Variants in TENM4 observed in about 807,000 individuals in gnomAD.
The protein encoded by TENM4 is teneurin transmembrane protein 4, also known as teneurin-4.
A neutral mutation model predicts 243.3 loss-of-function variants in TENM4; 82 were observed. The observed-to-expected ratio is 0.34, with a 90% CI of 0.28 to 0.40. TENM4 has a LOEUF of 0.40. TENM4 is among the 10% of genes least tolerant of loss of function. TENM4 has a pLI of 1.00. For synonymous variants in TENM4, 1,412 were observed against 1,456.3 expected, an observed-to-expected ratio of 0.97 and a Z score of 0.69; for missense variants, 3,138 against 3,673.3, an observed-to-expected ratio of 0.85 and a Z score of 3.77.
chr11:79,246,143 T>A (rs573587658), intron 2 of TENM4, among the ~76,000 whole-genome samples: 1 of 152,204 alleles, frequency 6.6e-6, no homozygotes, highest in Admixed American at 6.5e-5. Flanking sequence ...ATGGCCTACA[T>A]TTATAGAGTG....
intron 21 of TENM4, among the ~76,000 whole-genome samples, chr11:78,730,620 A>T (rs553053096): frequency 5.9e-5 from 9 of 152,338 alleles, no homozygotes; most frequent in Non-Finnish European, 1.3e-4. Flanking sequence ...AGCATGCCCA[A>T]GCAGACAGCA....
chr11:79,286,153 A>G (rs961263815), intron 2 of TENM4, among the ~76,000 whole-genome samples: 2 of 152,184 alleles, frequency 1.3e-5, no homozygotes, highest in Admixed American at 6.5e-5. Flanking sequence ...AGGTGATTGT[A>G]TTTCTGTTTT....
intron 1 of TENM4, among the ~76,000 whole-genome samples, chr11:79,392,305 T>C (rs1187686238): frequency 6.6e-6 from 1 of 152,178 alleles, no homozygotes; most frequent in Non-Finnish European, 1.5e-5. Flanking sequence ...AGAGAACATA[T>C]TGTGAACTTG....
At chr11:79,229,641 C>A (rs1864338010) in intron 2 of TENM4, among the ~76,000 whole-genome samples, 1 of 152,198 alleles carries the variant, frequency 6.6e-6, no homozygotes, top group South Asian at 2.1e-4. Flanking sequence ...ACCCTAGCAC[C>A]CTTCAGCATT....
At chr11:78,893,794 C>CAT in intron 7 of TENM4, among the ~76,000 whole-genome samples, 1 of 151,554 alleles carries the variant, frequency 6.6e-6, no homozygotes, top group African/African-American at 2.4e-5. Context: ...CACACACACA[C>CAT]ACACACTCCT....
At chr11:79,216,510 C>A (rs1470974436) in intron 2 of TENM4, among the ~76,000 whole-genome samples, 1 of 152,174 alleles carries the variant, frequency 6.6e-6, no homozygotes, top group Non-Finnish European at 1.5e-5. Flanking sequence ...AGTGTTGGAA[C>A]CTAAATTCCT....
intron 18 of TENM4, among the ~76,000 whole-genome samples, chr11:78,764,938 G>C (rs1338004460): frequency 6.6e-6 from 1 of 151,888 alleles, no homozygotes. Flanking sequence ...GAGAATGGGG[G>C]TGTGGGCGGG....
intron 1 of TENM4, among the ~76,000 whole-genome samples, chr11:79,316,005 A>G (rs1276623385): frequency 6.6e-6 from 1 of 152,158 alleles, no homozygotes; most frequent in East Asian, 1.9e-4. Context: ...AAGTATTGTT[A>G]CTCTATATAT....
At chr11:79,106,574 C>T (rs1422800908) in intron 4 of TENM4, among the ~76,000 whole-genome samples, 2 of 152,356 alleles carry the variant, frequency 1.3e-5, no homozygotes, top group East Asian at 3.9e-4. Context: ...AGACGTCGGT[C>T]CTCTTGCCTG....
intron 9 of TENM4, among the ~76,000 whole-genome samples, chr11:78,870,709 AAT>A (rs1403373351): frequency 6.6e-6 from 1 of 152,112 alleles, no homozygotes; most frequent in Non-Finnish European, 1.5e-5. Context: ...GGTGCTGCTC[AAT>A]GTTTCTTTAA....
rs1337015277 is a variant in TENM4, at chr11:78,866,456, C to CT, written c.1085-3325dup. ...TTAACAAGATGCAAATAAGTCCTTG[C>CT]TTAAAAAAAAAAAAAAAAAAAGATA... On this transcript the variant is annotated intron_variant, in intron 9 of 33. Coordinates refer to ENST00000278550, the MANE Select transcript of TENM4 (RefSeq NM_001098816.3). Among the ~76,000 whole-genome samples, 4 of 103,788 alleles carry CT rather than the reference C, an allele frequency of 3.9e-5. No individual in the cohort carries two copies. The East Asian group carries it at 6.8e-4, about 18-fold the overall frequency. The allele number at this position is 103,788 out of a possible 152,430, so 68.1% of individuals were successfully genotyped here.
At chr11:79,398,571 T>G (rs1858393596) in intron 1 of TENM4, among the ~76,000 whole-genome samples, 1 of 152,060 alleles carries the variant, frequency 6.6e-6, no homozygotes, top group Admixed American at 6.5e-5. Context: ...CAGAAACTGC[T>G]GCACAAACAA....
intron 3 of TENM4, among the ~76,000 whole-genome samples, chr11:79,209,048 C>T (rs149945968): frequency 9.2e-5 from 14 of 152,240 alleles, no homozygotes; most frequent in African/African-American, 2.4e-4. Flanking sequence ...CAACAGGAAG[C>T]GAGCCCAATG....
intron 1 of TENM4, among the ~76,000 whole-genome samples, chr11:79,342,936 TG>T (rs1317516004): frequency 1.3e-5 from 2 of 152,236 alleles, no homozygotes; most frequent in Non-Finnish European, 2.9e-5. Flanking sequence ...ACTGGGCCTC[TG>T]GGGGGTGTTT....
chr11:78,994,637 T>C (rs1858127510), intron 6 of TENM4, among the ~76,000 whole-genome samples: 1 of 152,228 alleles, frequency 6.6e-6, no homozygotes, highest in Non-Finnish European at 1.5e-5. Context: ...GGATGGCTAG[T>C]CCAATTCCAG....
chr11:79,043,554 C>A (rs951539301), intron 6 of TENM4, among the ~76,000 whole-genome samples: 1 of 152,144 alleles, frequency 6.6e-6, no homozygotes, highest in Admixed American at 6.5e-5. Context: ...CTCTGTTAAG[C>A]CACTCATATA....
intron 20 of TENM4, among the ~76,000 whole-genome samples, chr11:78,736,477 T>TGTGTGTGTGTGC (rs1328804792): frequency 5.9e-5 from 6 of 102,070 alleles, no homozygotes; most frequent in African/African-American, 2.0e-4. Flanking sequence ...TGTGTGTGTG[T>TGTGTGTGTGTGC]GTGCGCGCGC....
At chr11:79,270,966 T>C (rs1277821491) in intron 2 of TENM4, among the ~76,000 whole-genome samples, 1 of 152,184 alleles carries the variant, frequency 6.6e-6, no homozygotes, top group African/African-American at 2.4e-5. Flanking sequence ...TATTAGGACA[T>C]CACAAAAGAC....
At chr11:78,760,537 G>A (rs61479573) in intron 18 of TENM4, among the ~76,000 whole-genome samples, 1 of 152,222 alleles carries the variant, frequency 6.6e-6, no homozygotes, top group Non-Finnish European at 1.5e-5. Flanking sequence ...GTGACAATGA[G>A]ACAAACATTT....
Sources: gnomAD v4.1 joint callset for allele counts (sites outside exome capture counted in the v4.1 genomes callset) on GRCh38, gnomAD v4.1.1 for gene constraint, MANE v1.5 for transcripts, NCBI Gene and HGNC (gene_info 2026-07-23, HGNC 2026-07-21) for gene names.